FRMD4A: variants seen among roughly 807,000 people sequenced by gnomAD.
FRMD4A encodes the protein FERM domain-containing protein 4A.
FRMD4A carries 29 observed loss-of-function variants against 129.1 expected under a neutral mutation model. The ratio of observed to expected loss-of-function variants is 0.22; its 90% CI spans 0.17 to 0.31. The LOEUF is 0.31. Ranked by LOEUF, FRMD4A falls within the 10% of genes least tolerant of loss-of-function variation. The pLI, the probability that FRMD4A is intolerant of heterozygous loss-of-function variation, is 1.00. For synonymous variants in FRMD4A, 634 were observed against 571.6 expected (o/e 1.11, Z -1.56); for missense variants, 1,272 against 1,375.8 (o/e 0.92, Z 1.19).
chr10:13,985,815 C>T (rs553910318), intron 2 of FRMD4A, among the ~76,000 whole-genome samples: 65 of 152,326 alleles, frequency 4.3e-4, no homozygotes, highest in African/African-American at 1.0e-3. Flanking sequence ...TGCTCACTAG[C>T]GTACAGCCGC....
chr10:13,888,953 T>C (rs1475039020), intron 2 of FRMD4A, among the ~76,000 whole-genome samples: 2 of 152,250 alleles, frequency 1.3e-5, no homozygotes, highest in African/African-American at 4.8e-5. Context: ...TGCTCCATTA[T>C]ACTTTCATTC....
chr10:13,684,964 T>C, intron 15 of FRMD4A: 7 of 984,320 alleles, frequency 7.1e-6, no homozygotes, highest in Non-Finnish European at 8.4e-6. Flanking sequence ...GGAATAAATA[T>C]GAGGAAAAGG....
intron 2 of FRMD4A, among the ~76,000 whole-genome samples, chr10:14,038,844 C>T (rs375958662): frequency 7.3e-4 from 111 of 152,286 alleles, no homozygotes; most frequent in African/African-American, 2.6e-3. Context: ...GTCTGATTGG[C>T]GCCTCTGTTA....
chr10:13,843,935 T>C (rs565875156), intron 3 of FRMD4A, among the ~76,000 whole-genome samples: 22 of 152,320 alleles, frequency 1.4e-4, no homozygotes, highest in Non-Finnish European at 3.1e-4. Flanking sequence ...ATTAACTGCA[T>C]TTAATTCCAC....
At chr10:14,230,219 C>A (rs11258956) in intron 2 of FRMD4A, among the ~76,000 whole-genome samples, 2 of 152,026 alleles carry the variant, frequency 1.3e-5, no homozygotes, top group African/African-American at 2.4e-5. Flanking sequence ...CCCTCTCCCC[C>A]CTAGCATCTT....
At chr10:13,803,340 T>C (rs1252105330) in intron 4 of FRMD4A, among the ~76,000 whole-genome samples, 1 of 152,124 alleles carries the variant, frequency 6.6e-6, no homozygotes, top group African/African-American at 2.4e-5. Flanking sequence ...TAAAAATGTT[T>C]TATTTTTTAG....
intron 2 of FRMD4A, among the ~76,000 whole-genome samples, chr10:13,924,187 G>A (rs1010041822): frequency 6.6e-6 from 1 of 152,160 alleles, no homozygotes; most frequent in Non-Finnish European, 1.5e-5. Flanking sequence ...AATGACTCAG[G>A]CTGTGGAACA....
At chr10:14,202,432 C>T (rs552452778) in intron 2 of FRMD4A, among the ~76,000 whole-genome samples, 3 of 152,236 alleles carry the variant, frequency 2.0e-5, no homozygotes, top group East Asian at 3.9e-4. Flanking sequence ...GATGGAGTCT[C>T]GCTCTGTTGC....
rs2081062848 is a variant in FRMD4A at position 13,645,382 on chromosome 10, T to C, written c.*1656A>G. 1 of 136,138 alleles carries C rather than the reference T, an allele frequency of 7.3e-6. No individual in the cohort carries two copies. Among genetic ancestry groups the C allele is most frequent in the Non-Finnish European group, 1.5e-5 (1 of 64,610 alleles). 8.4% of individuals were successfully genotyped at this position (136,138 alleles called of 1,614,324 possible). ...ACCCCCACCCCATCCCCCCACCACT[T>C]GCGCCAAAAGCACAGCATACCACCT... On this transcript the variant is annotated 3_prime_UTR_variant, in exon 25 of 25. Transcript: ENST00000357447.
intron 3 of FRMD4A, among the ~76,000 whole-genome samples, chr10:13,835,079 G>A (rs910932404): frequency 6.6e-6 from 1 of 152,168 alleles, no homozygotes; most frequent in Non-Finnish European, 1.5e-5. Flanking sequence ...AAAGAAATAT[G>A]CTTTCTTATC....
At chr10:14,314,644 C>T (rs1846670237) in intron 2 of FRMD4A, among the ~76,000 whole-genome samples, 1 of 151,522 alleles carries the variant, frequency 6.6e-6, no homozygotes, top group South Asian at 2.1e-4. Context: ...TGAGGGGAAG[C>T]ACTGTCAACA....
intron 2 of FRMD4A, among the ~76,000 whole-genome samples, chr10:14,023,843 C>A (rs754411407): frequency 2.0e-5 from 3 of 152,122 alleles, no homozygotes; most frequent in African/African-American, 2.4e-5. Context: ...TCCTGAGGAA[C>A]TCTTGGTAAC....
chr10:14,031,711 C>G (rs978163223), intron 2 of FRMD4A, among the ~76,000 whole-genome samples: 2 of 152,146 alleles, frequency 1.3e-5, no homozygotes, highest in African/African-American at 4.8e-5. Flanking sequence ...GGAATAGGAG[C>G]TGGAGCTATG....
chr10:13,974,740 T>A (rs2095535131), intron 2 of FRMD4A, among the ~76,000 whole-genome samples: 1 of 152,166 alleles, frequency 6.6e-6, no homozygotes, highest in Admixed American at 6.5e-5. Flanking sequence ...TTGGCCAGGC[T>A]AGTCTTGAAC....
intron 2 of FRMD4A, among the ~76,000 whole-genome samples, chr10:14,268,261 A>G (rs1405200596): frequency 6.6e-6 from 1 of 152,242 alleles, no homozygotes; most frequent in Non-Finnish European, 1.5e-5. Context: ...CTACAAAACA[A>G]ATAAAACCTT....
rs188893880 is a variant in FRMD4A at position 13,671,867 on chromosome 10, A to G, written c.1252-1339T>C. On this transcript the variant is annotated intron_variant, in intron 16 of 24. Coordinates refer to ENST00000357447, the MANE Select transcript of FRMD4A (RefSeq NM_018027.5). ...AGCTCTGGCTTTTCTAGCCCAAATCAACGCAGATGCTGCACAAAGACTGAA... is the reference window on the plus strand; with the variant it reads ...AGCTCTGGCTTTTCTAGCCCAAATCGACGCAGATGCTGCACAAAGACTGAA... 3.0e-3 allele frequency among the ~76,000 whole-genome samples: 462 copies of G among 152,390 alleles called. 1 individual carries two copies. Among genetic ancestry groups the G allele is most frequent in the South Asian group, 0.017 (83 of 4,828 alleles).
intron 2 of FRMD4A, among the ~76,000 whole-genome samples, chr10:13,976,712 T>A (rs890079493): frequency 6.6e-6 from 1 of 152,150 alleles, no homozygotes; most frequent in Admixed American, 6.5e-5. Flanking sequence ...AGCATACACG[T>A]GGAGAAGTAT....
rs1442613389 is a variant in FRMD4A at position 13,843,753 on chromosome 10, C to T, written c.111+15094G>A. Among the ~76,000 whole-genome samples, 7 of 152,156 alleles carry T rather than the reference C, an allele frequency of 4.6e-5. No homozygotes were observed. In the East Asian group the frequency reaches 1.3e-3, roughly 29 times the overall value. The stretch of plus-strand genomic sequence containing the variant: ...CCTCAGGTGATCTACCTGTCTCAGC[C>T]TCCCAAAGTGCTGGGAATTACAGGC... On this transcript the variant is annotated intron_variant, in intron 3 of 24. Transcript: ENST00000357447.
chr10:13,657,560 A>T, intron 21 of FRMD4A, 38 bp from the exon 22 acceptor site: 25 of 1,253,142 alleles, frequency 2.0e-5, no homozygotes, highest in Middle Eastern at 3.0e-4. Context: ...GGGGGTGGGG[A>T]GTGGGCCCAA....
Sources: gnomAD v4.1 joint callset for allele counts (sites outside exome capture counted in the v4.1 genomes callset) on GRCh38, gnomAD v4.1.1 for gene constraint, MANE v1.5 for transcripts, NCBI Gene and HGNC (gene_info 2026-07-23, HGNC 2026-07-21) for gene names.